ANKRD26: variants seen among roughly 807,000 people sequenced by gnomAD.
ANKRD26 encodes ankyrin repeat domain 26.
In ANKRD26, 141 loss-of-function variants were observed where a neutral mutation model predicts 208.7. That is an observed-to-expected ratio of 0.68 (90% CI 0.59 to 0.78). ANKRD26 has a LOEUF of 0.78. Among genes scored for constraint, ANKRD26 ranks in the 30% least tolerant of loss-of-function variants. ANKRD26 has a pLI of 0.00. For missense variants in ANKRD26, 1,889 were observed against 1,938.7 expected (o/e 0.97, Z 0.48); for synonymous variants, 636 against 660.4 (o/e 0.96, Z 0.57).
At chr10:27,083,756 C>T (rs1266708113) in intron 5 of ANKRD26, among the ~76,000 whole-genome samples, 3 of 152,196 alleles carry the variant, frequency 2.0e-5, no homozygotes, top group Admixed American at 6.5e-5. Context: ...TCCATCTATC[C>T]TGTATATAAG....
chr10:27,057,517 G>A (rs963567950), intron 15 of ANKRD26, among the ~76,000 whole-genome samples: 1 of 152,068 alleles, frequency 6.6e-6, no homozygotes, highest in African/African-American at 2.4e-5. Context: ...GTGTTCTAAA[G>A]ACAAAAACAT....
chr10:27,095,263 A>C (rs1352295407), intron 1 of ANKRD26, among the ~76,000 whole-genome samples: 3 of 152,252 alleles, frequency 2.0e-5, no homozygotes, highest in Non-Finnish European at 4.4e-5. Context: ...TTAGATTTAT[A>C]GAATATATGC....
In ANKRD26 at chr10:27,092,488, C is replaced by CA; in HGVS notation, c.555dup (p.Ala186CysfsTer25). 1.2e-6 allele frequency: 2 copies of CA among 1,613,394 alleles called. No individual in the cohort carries two copies. The highest frequency in any genetic ancestry group is 1.7e-6 in the Non-Finnish European group (2 of 1,179,786). Reference sequence around the variant, plus strand: ...ATTTGCTGCTTTTTTCCACTTACTGCAAGTAAAAGTGGTGTGAGGTCATCC... The same window carrying CA: ...ATTTGCTGCTTTTTTCCACTTACTGCAAAGTAAAAGTGGTGTGAGGTCATCC... On this transcript the variant is annotated frameshift_variant, in exon 4 of 34. Coordinates refer to ENST00000376087, the MANE Select transcript of ANKRD26 (RefSeq NM_014915.3). LOFTEE classifies it high-confidence loss of function.
intron 12 of ANKRD26, chr10:27,062,022 TG>T: frequency 2.0e-6 from 2 of 985,300 alleles, no homozygotes; most frequent in Non-Finnish European, 2.4e-6. Flanking sequence ...CCATCTGAAA[TG>T]AGTTCTCTCA....
chr10:26,985,160 C>T (rs1190356873), intron 3 of ANKRD26, among the ~76,000 whole-genome samples: 1 of 152,112 alleles, frequency 6.6e-6, no homozygotes, highest in African/African-American at 2.4e-5. Flanking sequence ...TACTATCAAG[C>T]TGCCATACCT....
intron 5 of ANKRD26, among the ~76,000 whole-genome samples, 180 bp downstream of exon 5, chr10:27,086,359 T>C (rs2056114708): frequency 1.3e-5 from 2 of 152,216 alleles, no homozygotes; most frequent in South Asian, 4.1e-4. Flanking sequence ...ATCATAAATA[T>C]CTACATGTAA....
chr10:26,991,592 G>A (rs185904316), downstream of ANKRD26, among the ~76,000 whole-genome samples: 125 of 152,144 alleles, frequency 8.2e-4, no homozygotes, highest in African/African-American at 2.6e-3. Context: ...ACAGGCATGC[G>A]CCACCATGCC....
At chr10:26,999,062 AAGG>A (rs2052661359) in intron 4 of ANKRD26, among the ~76,000 whole-genome samples, 1 of 152,298 alleles carries the variant, frequency 6.6e-6, no homozygotes, top group African/African-American at 2.4e-5. Context: ...GGCCTCCTGT[AAGG>A]AGATGAGGCA....
downstream of ANKRD26, among the ~76,000 whole-genome samples, chr10:26,999,233 G>A (rs1357512952): frequency 6.6e-6 from 1 of 152,192 alleles, no homozygotes; most frequent in Non-Finnish European, 1.5e-5. Context: ...CTTAGAGTCT[G>A]CTTCAGTTAT....
intron 18 of ANKRD26, 41 bp downstream of exon 18, chr10:27,046,312 A>T (rs759664127): frequency 6.3e-7 from 1 of 1,598,160 alleles, no homozygotes; most frequent in South Asian, 1.1e-5. Context: ...AATTACTACT[A>T]ACCTTCCTCC....
rs1278672479 is a variant in ANKRD26 at position 27,066,479 on chromosome 10, GA to G, written c.1269+7del. 7 of 1,522,874 alleles carry G rather than the reference GA, an allele frequency of 4.6e-6. No homozygotes were observed. The highest frequency in any genetic ancestry group is 6.1e-6 in the Non-Finnish European group (7 of 1,147,068). 94.3% of individuals were successfully genotyped at this position (1,522,874 alleles called of 1,614,324 possible). ...TTTTAAAATAATAGTAACAACCATA[GA>G]AAGTACCTCAGAATCCCAAGGTGAT... On this transcript the variant is annotated splice_region_variant and intron_variant, in intron 11 of 33. Coordinates refer to ENST00000376087, the MANE Select transcript of ANKRD26 (RefSeq NM_014915.3).
At chr10:26,960,400 C>G in the ANKRD26 span, among the ~76,000 whole-genome samples, 1 of 152,170 alleles carries the variant, frequency 6.6e-6, no homozygotes, top group Admixed American at 6.5e-5. Flanking sequence ...CTGAGCGCAG[C>G]CTTCCAGGTG....
chr10:27,084,218 C>CAAAAAAA (rs1275450082), intron 5 of ANKRD26, among the ~76,000 whole-genome samples: 10 of 82,356 alleles, frequency 1.2e-4, no homozygotes, highest in Non-Finnish European at 1.5e-4. Context: ...AACTACATCT[C>CAAAAAAA]AAAAAAAAAA....
At chr10:27,085,587 G>A (rs913215760) in intron 5 of ANKRD26, among the ~76,000 whole-genome samples, 12 of 152,180 alleles carry the variant, frequency 7.9e-5, no homozygotes, top group South Asian at 2.1e-4. Flanking sequence ...TATTGGTATT[G>A]GTGCACACTG....
At chr10:27,014,811 C>A in intron 30 of ANKRD26, 100 bp from the exon 31 acceptor site, 1 of 917,826 alleles carries the variant, frequency 1.1e-6, no homozygotes, top group Non-Finnish European at 1.7e-6. Flanking sequence ...TTAACCCAAA[C>A]TCCAAAAAGA....
rs562746976 is a variant in ANKRD26, at chr10:27,089,746, G to A, written c.638+2660C>T. Among the ~76,000 whole-genome samples, 5 of 152,326 alleles carry A rather than the reference G, an allele frequency of 3.3e-5. No homozygotes were observed. In the East Asian group the frequency reaches 5.8e-4, roughly 18 times the overall value. On this transcript the variant is annotated intron_variant, in intron 4 of 33. Coordinates refer to ENST00000376087, the MANE Select transcript of ANKRD26 (RefSeq NM_014915.3). ...CTTGAAGCTGTGGTGACCTGTGATCGTGCCCCTGCACTCCAGCCCAGGTGA... is the reference window on the plus strand; with the variant it reads ...CTTGAAGCTGTGGTGACCTGTGATCATGCCCCTGCACTCCAGCCCAGGTGA...
the ANKRD26 span, among the ~76,000 whole-genome samples, chr10:26,949,166 T>G: frequency 3.5e-4 from 53 of 152,330 alleles, no homozygotes; most frequent in Admixed American, 2.6e-4. Flanking sequence ...GAACCTAATT[T>G]ACCATTTAAT....
At chr10:26,963,902 GGTTTTTTT>G in the ANKRD26 span, among the ~76,000 whole-genome samples, 1 of 66,972 alleles carries the variant, frequency 1.5e-5, no homozygotes, top group Non-Finnish European at 3.0e-5. Flanking sequence ...ATGGTTGGTT[GGTTTTTTT>G]TTTTTTTTTT....
At chr10:26,954,326 T>C in the ANKRD26 span, among the ~76,000 whole-genome samples, 6 of 152,352 alleles carry the variant, frequency 3.9e-5, no homozygotes, top group Admixed American at 6.5e-5. Context: ...TCTCCAGTGA[T>C]TTGAAATGTC....
Sources: gnomAD v4.1 joint callset for allele counts (sites outside exome capture counted in the v4.1 genomes callset) on GRCh38, gnomAD v4.1.1 for gene constraint, MANE v1.5 for transcripts, NCBI Gene and HGNC (gene_info 2026-07-23, HGNC 2026-07-21) for gene names.